IL18RAP: variants seen among roughly 807,000 people sequenced by gnomAD.
The protein encoded by IL18RAP is interleukin-18 receptor accessory protein.
A neutral mutation model predicts 58.1 loss-of-function variants in IL18RAP; 37 were observed. The ratio of observed to expected loss-of-function variants is 0.64; its 90% CI spans 0.49 to 0.84. IL18RAP has a LOEUF of 0.84. Ranked by LOEUF, IL18RAP falls within the 40% of genes least tolerant of loss-of-function variation. IL18RAP has a pLI of 0.00. For missense variants in IL18RAP, 667 were observed against 704.8 expected, an observed-to-expected ratio of 0.95 and a Z score of 0.61; for synonymous variants, 268 against 257.5, an observed-to-expected ratio of 1.04 and a Z score of -0.39.
At position 102,426,744 on chromosome 2, in the gene IL18RAP, T is replaced by C. The variant is rs534289800; in HGVS notation, c.579+2330T>C. 1.1e-4 allele frequency among the ~76,000 whole-genome samples: 16 copies of C among 152,274 alleles called. No individual in the cohort carries two copies. In the East Asian group the frequency reaches 2.5e-3, roughly 24 times the overall value. ...TTAACACATCCATCACCTTGCTTAC[T>C]TTTTTTGTGGACAGACATTTGAAAC... On this transcript the variant is annotated intron_variant, in intron 3 of 9. Coordinates refer to ENST00000687160, the MANE Select transcript of IL18RAP (RefSeq NM_001393487.1).
chr2:102,420,595 C>A (rs1046392488), upstream of IL18RAP, among the ~76,000 whole-genome samples: 8 of 152,174 alleles, frequency 5.3e-5, no homozygotes, highest in Non-Finnish European at 1.2e-4. Flanking sequence ...TTGCTATAGG[C>A]TTGGACATTT....
intron 7 of IL18RAP, 128 bp from the exon 8 acceptor site, chr2:102,446,942 G>A (rs1289409415): frequency 5.1e-6 from 5 of 984,244 alleles, no homozygotes; most frequent in Non-Finnish European, 7.5e-6. Flanking sequence ...ACTGCTGCTA[G>A]TGGCAATGAT....
At chr2:102,446,325 C>T (rs1683411793) in intron 7 of IL18RAP, among the ~76,000 whole-genome samples, 1 of 151,976 alleles carries the variant, frequency 6.6e-6, no homozygotes, top group Non-Finnish European at 1.5e-5. Flanking sequence ...TTTGGGGGTA[C>T]AGGTGGTTTT....
At chr2:102,443,112 C>T (rs1279485618) in intron 5 of IL18RAP, 88 bp from the exon 6 acceptor site, 1 of 1,324,904 alleles carries the variant, frequency 7.5e-7, no homozygotes, top group Non-Finnish European at 1.0e-6. Context: ...CATCAGGAGA[C>T]AGCTTCTGGC....
Position 102,423,840 on chromosome 2 carries a change from T to C in IL18RAP, c.100T>C (p.Tyr34His). The change falls in exon 2 of 10, where the codon TAT becomes CAT. Residue 34 changes from tyrosine (Y) to histidine (H), a missense_variant. Tyr to His is a moderately conservative substitution (Grantham distance 83, BLOSUM62 2). Coordinates refer to ENST00000687160, the MANE Select transcript of IL18RAP (RefSeq NM_001393487.1). ...GCSTKKLLWT[Y>H]STRSEEEFVL... Reference sequence around the variant, plus strand: ...TTCCACAAAAAAACTCCTTTGGACATATTCTACAAGGAGTGAAGAGGAATT... The same window carrying C: ...TTCCACAAAAAAACTCCTTTGGACACATTCTACAAGGAGTGAAGAGGAATT... 1 of 1,613,900 alleles carries C rather than the reference T, an allele frequency of 6.2e-7. No homozygotes were observed. Among genetic ancestry groups the C allele is most frequent in the African/African-American group, 1.3e-5 (1 of 75,042 alleles).
chr2:102,448,960 CAAAAAAAA>C (rs10566180), intron 8 of IL18RAP, among the ~76,000 whole-genome samples: 9 of 67,232 alleles, frequency 1.3e-4, no homozygotes, highest in African/African-American at 5.9e-4. Flanking sequence ...TACCCTATCT[CAAAAAAAA>C]AAAAAAAAAA....
chr2:102,445,253 C>A lies in IL18RAP; in HGVS notation c.985C>A (p.Arg329Ser), dbSNP rs772823153. ...TATCATCTTGGAAAAAGTCACTCAG[C>A]GTGATCTTCGCAGGAAGTTTGTTTG... ...RNIILEKVTQ[R>S]DLRRKFVCFV... Residue 329 changes from arginine to serine, a missense_variant, in exon 7 of 10, where the codon CGT becomes AGT. Physicochemically the swap from Arg to Ser is moderately radical, Grantham distance 110. Coordinates refer to ENST00000687160, the MANE Select transcript of IL18RAP (RefSeq NM_001393487.1). 9 of 1,613,800 alleles carry A rather than the reference C, an allele frequency of 5.6e-6. No individual in the cohort carries two copies. Among genetic ancestry groups the A allele is most frequent in the Non-Finnish European group, 5.9e-6 (7 of 1,179,858 alleles).
chr2:102,428,168 G>A (rs1682086639), intron 3 of IL18RAP, among the ~76,000 whole-genome samples: 1 of 151,660 alleles, frequency 6.6e-6, no homozygotes, highest in African/African-American at 2.4e-5. Context: ...GCTCAAGATT[G>A]TTTTGGTTAT....
chr2:102,442,152 G>A (rs986029666), intron 5 of IL18RAP, among the ~76,000 whole-genome samples: 1 of 152,158 alleles, frequency 6.6e-6, no homozygotes, highest in Non-Finnish European at 1.5e-5. Context: ...GTATTCCAAA[G>A]TAGTGTCTTC....
intron 3 of IL18RAP, among the ~76,000 whole-genome samples, chr2:102,429,047 A>G (rs1323111495): frequency 6.6e-6 from 1 of 151,966 alleles, no homozygotes; most frequent in African/African-American, 2.4e-5. Flanking sequence ...CCAGGGATAA[A>G]TCCCACTTGA....
intron 6 of IL18RAP, 23 bp from the exon 7 acceptor site, chr2:102,445,166 T>C (rs367725329): frequency 5.6e-5 from 90 of 1,606,482 alleles, no homozygotes; most frequent in Non-Finnish European, 7.4e-5. Flanking sequence ...CTGAATGGAG[T>C]GGTATTTTTT....
chr2:102,445,208 G>A lies in IL18RAP; in HGVS notation c.940G>A (p.Asp314Asn), dbSNP rs1322791225. The change falls in exon 7 of 10, where the codon GAT becomes AAT. Residue 314 changes from aspartate to asparagine, a missense_variant. Asp to Asn is a conservative substitution (Grantham distance 23). Coordinates refer to ENST00000687160, the MANE Select transcript of IL18RAP (RefSeq NM_001393487.1). ...EAKSIKSTLKDEIIERNIILE... is the reference protein window; with the variant it reads ...EAKSIKSTLKNEIIERNIILE... ...TCTCAGTATTAAATCCACTTTAAAGGATGAAATCATTGAGCGTAATATCAT... is the reference window on the plus strand; with the variant it reads ...TCTCAGTATTAAATCCACTTTAAAGAATGAAATCATTGAGCGTAATATCAT... The A allele has an allele frequency of 6.2e-7, 1 of 1,613,958 alleles. No homozygotes were observed. Among genetic ancestry groups the A allele is most frequent in the Non-Finnish European group, 8.5e-7 (1 of 1,179,918 alleles).
At chr2:102,451,712 C>G (rs1362357289) in intron 9 of IL18RAP, 54 bp from the exon 10 acceptor site, 81 of 1,468,986 alleles carry the variant, frequency 5.5e-5, no homozygotes, top group Non-Finnish European at 7.4e-5. Flanking sequence ...AAGGACCTCT[C>G]TGACTCAAGG....
At chr2:102,428,225 A>G (rs1682090683) in intron 3 of IL18RAP, among the ~76,000 whole-genome samples, 1 of 151,592 alleles carries the variant, frequency 6.6e-6, no homozygotes, top group African/African-American at 2.4e-5. Context: ...AGTTTTTTGT[A>G]TTTCTGTAAA....
chr2:102,445,108 C>A, intron 6 of IL18RAP, 81 bp from the exon 7 acceptor site: 1 of 1,285,150 alleles, frequency 7.8e-7, no homozygotes, highest in Non-Finnish European at 1.1e-6. Context: ...AAACTGTTGG[C>A]TGCTTATACG....
At position 102,437,307 on chromosome 2, in the gene IL18RAP, G is replaced by A. The variant is rs140087058; in HGVS notation, c.675G>A (p.Gln225=). The A allele has an allele frequency of 5.5e-5, 88 of 1,613,612 alleles. No individual in the cohort carries two copies. The highest frequency in any genetic ancestry group is 6.3e-5 in the Non-Finnish European group (74 of 1,179,774). The change falls in exon 4 of 10, where the codon CAG becomes CAA. Residue 225 remains glutamine, a synonymous_variant. Transcript: ENST00000687160. ...HQGTYVCDYT[Q]SDTVSSWTVR... is the part of the protein sequence containing the mutation. ...GCACATATGTATGTGATTACACTCA[G>A]TCGGATACTGTGAGTTCGTGGACAG... is the stretch of plus-strand genomic sequence containing the variant.
At chr2:102,435,793 T>C (rs1682693783) in intron 3 of IL18RAP, among the ~76,000 whole-genome samples, 3 of 152,174 alleles carry the variant, frequency 2.0e-5, no homozygotes, top group Admixed American at 1.3e-4. Context: ...AGAATAACTG[T>C]TCTTCTCCCT....
At chr2:102,427,123 T>G (rs1454569553) in intron 3 of IL18RAP, among the ~76,000 whole-genome samples, 1 of 152,174 alleles carries the variant, frequency 6.6e-6, no homozygotes, top group Non-Finnish European at 1.5e-5. Context: ...GTTGCATACA[T>G]GTACCACATT....
intron 3 of IL18RAP, among the ~76,000 whole-genome samples, chr2:102,431,672 A>C (rs895575957): frequency 3.9e-5 from 6 of 151,912 alleles, no homozygotes; most frequent in Non-Finnish European, 8.8e-5. Context: ...TGCTTAATCA[A>C]ATCTGCTGTT....
Sources: allele counts gnomAD v4.1 joint callset (sites outside exome capture counted in the v4.1 genomes callset), GRCh38; gene constraint gnomAD v4.1.1; transcripts MANE v1.5; gene names NCBI Gene and HGNC (gene_info 2026-07-23, HGNC 2026-07-21).